MUC12: variants seen among roughly 807,000 people sequenced by gnomAD.
The protein encoded by MUC12 is mucin 12, cell surface associated.
A neutral mutation model predicts 230.8 loss-of-function variants in MUC12; 172 were observed. The observed-to-expected ratio is 0.75, with a 90% CI of 0.66 to 0.85. MUC12 has a LOEUF of 0.85. Among genes scored for constraint, MUC12 ranks in the 40% least tolerant of loss-of-function variants. The pLI is 0.00. For synonymous variants in MUC12, 1,259 were observed against 2,401.9 expected, an observed-to-expected ratio of 0.52 and a Z score of 13.91; for missense variants, 3,506 against 5,920.6, an observed-to-expected ratio of 0.59 and a Z score of 13.38.
At position 101,005,435 on chromosome 7, in the gene MUC12, A is replaced by G; in HGVS notation, c.14872A>G (p.Thr4958Ala). ...FPASSSTSGL[T>A]EESTTFHTSP... The stretch of plus-strand genomic sequence containing the variant: ...TGCGAGTTCCAGCACATCAGGCCTC[A>G]CTGAGGAATCTACCACCTTCCACAC... The change falls in exon 2 of 12, where the codon ACT (threonine) becomes GCT (alanine). Residue 4958 changes from threonine (T) to alanine (A), a missense_variant. By Grantham distance (58) the Thr-to-Ala change is moderately conservative. Coordinates refer to ENST00000536621, the MANE Select transcript of MUC12 (RefSeq NM_001164462.2). The G allele has an allele frequency of 6.5e-7, 1 of 1,537,912 alleles. No homozygotes were observed. The highest frequency in any genetic ancestry group is 8.7e-7 in the Non-Finnish European group (1 of 1,147,038).
At chr7:101,017,721 C>G (rs1256142546) in intron 11 of MUC12, 58 bp downstream of exon 11, 1 of 1,305,854 alleles carries the variant, frequency 7.7e-7, no homozygotes, top group Non-Finnish European at 1.1e-6. Flanking sequence ...CTCTGGGGTT[C>G]CCTCTTCCCC....
At chr7:100,990,526 C>A in intron 1 of MUC12, 105 bp from the exon 2 acceptor site, 1 of 1,370,936 alleles carries the variant, frequency 7.3e-7, no homozygotes, top group Non-Finnish European at 9.9e-7. Context: ...ATACCATGGG[C>A]TGACCAGGTG....
Position 100,991,734 on chromosome 7 carries a change from G to C in MUC12, c.1171G>C (p.Gly391Arg). ...TAGTGAAGAATCAGCAACTTTCCACGGCAGCACAACACACACAAAATCTTC... is the reference window on the plus strand; with the variant it reads ...TAGTGAAGAATCAGCAACTTTCCACCGCAGCACAACACACACAAAATCTTC... ...GHSEESATFH[G>R]STTHTKSSTP... Residue 391 changes from glycine (G) to arginine (R), a missense_variant, in exon 2 of 12, where the codon GGC becomes CGC. Coordinates refer to ENST00000536621, the MANE Select transcript of MUC12 (RefSeq NM_001164462.2). 1 of 1,537,730 alleles carries C rather than the reference G, an allele frequency of 6.5e-7. No homozygotes were observed. The highest frequency in any genetic ancestry group is 8.7e-7 in the Non-Finnish European group (1 of 1,147,062).
chr7:101,005,325 C>T lies in MUC12; in HGVS notation c.14762C>T (p.Pro4921Leu), dbSNP rs1793727190. 1 of 1,537,928 alleles carries T rather than the reference C, an allele frequency of 6.5e-7. No individual in the cohort carries two copies. Among genetic ancestry groups the T allele is most frequent in the Non-Finnish European group, 8.7e-7 (1 of 1,147,056 alleles). ...GACGCAACTGGAACAACACCCTTAC[C>T]TGCCCGCTCCACAGCCTCAGACCTT... is the stretch of plus-strand genomic sequence containing the variant. ...SSDATGTTPL[P>L]ARSTASDLVG... is the part of the protein sequence containing the mutation. Residue 4921 changes from proline to leucine, a missense_variant, in exon 2 of 12, where the codon CCT (proline) becomes CTT (leucine). Coordinates refer to ENST00000536621, the MANE Select transcript of MUC12 (RefSeq NM_001164462.2).
In MUC12 at chr7:100,990,955, C is replaced by T. The variant is rs549423210; in HGVS notation, c.392C>T (p.Ala131Val). 2 of 1,537,916 alleles carry T rather than the reference C, an allele frequency of 1.3e-6. No individual in the cohort carries two copies. Among genetic ancestry groups the T allele is most frequent in the South Asian group, 2.4e-5 (2 of 84,062 alleles). ...GCGTTACCTGGCAGTACCACAACAG[C>T]AGGCCTGAGTGAGAAATCTACCACC... ...TTALPGSTTT[A>V]GLSEKSTTFY... Residue 131 changes from alanine to valine, a missense_variant, in exon 2 of 12, where the codon GCA becomes GTA. Ala to Val is a moderately conservative substitution (Grantham distance 64). Coordinates refer to ENST00000536621, the MANE Select transcript of MUC12 (RefSeq NM_001164462.2).
intron 1 of MUC12, among the ~76,000 whole-genome samples, chr7:100,983,240 C>CA (rs924494086): frequency 6.6e-6 from 1 of 151,620 alleles, no homozygotes; most frequent in Non-Finnish European, 1.5e-5. Context: ...TCCAACATGG[C>CA]AAAACCACGT....
Position 101,018,932 on chromosome 7 carries a change from G to A in MUC12, c.*296G>A. 2.5e-6 allele frequency: 1 copy of A among 398,724 alleles called. No homozygotes were observed. The highest frequency in any genetic ancestry group is 4.4e-6 in the Non-Finnish European group (1 of 225,140). The allele number at this position is 398,724 out of a possible 1,614,324, so 24.7% of individuals were successfully genotyped here. On this transcript the variant is annotated 3_prime_UTR_variant, in exon 12 of 12. Coordinates refer to ENST00000536621, the MANE Select transcript of MUC12 (RefSeq NM_001164462.2). ...CCTACCAATAAAAGCAAATCTGAAA[G>A]CTCAGAATGAGAAGTGAGAGGTTTC...
At chr7:100,970,485 C>CAA (rs1157597160) in intron 1 of MUC12, among the ~76,000 whole-genome samples, 1 of 61,060 alleles carries the variant, frequency 1.6e-5, no homozygotes, top group Non-Finnish European at 3.6e-5. Flanking sequence ...AAAACACTGC[C>CAA]AAAAAAAAAA....
At position 100,995,669 on chromosome 7, in the gene MUC12, T is replaced by G. The variant is rs1237489227; in HGVS notation, c.5106T>G (p.Pro1702=). The change falls in exon 2 of 12, where the codon CCT becomes CCG. Residue 1702 remains proline, a synonymous_variant. Coordinates refer to ENST00000536621, the MANE Select transcript of MUC12 (RefSeq NM_001164462.2). ...GCTCAAAGGACACTATGCCTGCACC[T>G]CCTACTACCACATCAGCCTTTGTTG... ...WPSSKDTMPA[P]PTTTSAFVEL... The G allele has an allele frequency of 1.3e-6, 2 of 1,537,068 alleles. No individual in the cohort carries two copies. The highest frequency in any genetic ancestry group is 1.7e-6 in the Non-Finnish European group (2 of 1,147,048).
At position 100,993,794 on chromosome 7, in the gene MUC12, C is replaced by T; in HGVS notation, c.3231C>T (p.Arg1077=). The change falls in exon 2 of 12, where the codon CGC becomes CGT. Residue 1077 remains arginine (R), a synonymous_variant. Coordinates refer to ENST00000536621, the MANE Select transcript of MUC12 (RefSeq NM_001164462.2). ...GTCGTGGAGAATCTACAACCTCACG[C>T]ATCAGTCCAGGCTCAACTGAAATAA... is the stretch of plus-strand genomic sequence containing the variant. ...TSGRGESTTS[R]ISPGSTEITT... The T allele has an allele frequency of 1.4e-6, 2 of 1,444,832 alleles. No homozygotes were observed. Among genetic ancestry groups the T allele is most frequent in the Non-Finnish European group, 1.8e-6 (2 of 1,087,104 alleles). The allele number at this position is 1,444,832 out of a possible 1,614,324, so 89.5% of individuals were successfully genotyped here.
chr7:101,016,256 C>T (rs1265021937), intron 10 of MUC12, among the ~76,000 whole-genome samples: 4 of 151,562 alleles, frequency 2.6e-5, no homozygotes, highest in Admixed American at 2.0e-4. Flanking sequence ...GAGTGAGGGA[C>T]GTGAGGTTGG....
Position 101,014,015 on chromosome 7 carries a change from G to A in MUC12, c.15741G>A (p.Leu5247=). The change falls in exon 9 of 12, where the codon CTG becomes CTA. Residue 5247 remains leucine, a synonymous_variant. Transcript: ENST00000536621. ...YGIVGAVMAV[L]LLALIILIIL... is the part of the protein sequence containing the mutation. The stretch of plus-strand genomic sequence containing the variant: ...TCGTGGGGGCTGTGATGGCGGTGCT[G>A]CTGCTCGCATTGATCATCCTAATCA... The A allele has an allele frequency of 6.5e-7, 1 of 1,537,030 alleles. No homozygotes were observed. The highest frequency in any genetic ancestry group is 8.7e-7 in the Non-Finnish European group (1 of 1,146,802).
Position 101,012,866 on chromosome 7 carries a change from G to A in MUC12, c.15451G>A (p.Val5151Met). 1 of 1,537,292 alleles carries A rather than the reference G, an allele frequency of 6.5e-7. No homozygotes were observed. Among genetic ancestry groups the A allele is most frequent in the Non-Finnish European group, 8.7e-7 (1 of 1,146,916 alleles). The stretch of plus-strand genomic sequence containing the variant: ...AGAGGACACTTTCGTGGATTCATCG[G>A]TGACTCCGGGCTTTGACTTCCAGGG... The part of the protein sequence containing the change: ...SEEDTFVDSS[V>M]TPGFDFQEQC... The change falls in exon 7 of 12, where the codon GTG (valine) becomes ATG (methionine). Residue 5151 changes from valine (V) to methionine (M), a missense_variant. Val to Met is a conservative substitution (Grantham distance 21). Transcript: ENST00000536621.
chr7:101,005,520 G>A lies in MUC12; in HGVS notation c.14956+1G>A. 3.9e-6 allele frequency: 6 copies of A among 1,532,654 alleles called. No individual in the cohort carries two copies. The highest frequency in any genetic ancestry group is 2.5e-5 in the East Asian group (1 of 40,814). The allele number at this position is 1,532,654 out of a possible 1,614,324, so 94.9% of individuals were successfully genotyped here. On this transcript the variant is annotated splice_donor_variant, in intron 2 of 11. Transcript: ENST00000536621. LOFTEE classifies it high-confidence loss of function. ...GAAAGCCTGGAAACCTTAGCACCAG[G>A]TACTGCTCTTTCCATTTCATCCACG... is the stretch of plus-strand genomic sequence containing the variant.
In MUC12 at chr7:100,994,137, C is replaced by G; in HGVS notation, c.3574C>G (p.Arg1192Gly). ...HGEEPTTFHS[R>G]PASTHTTLFT... is the part of the protein sequence containing the mutation. ...TGAAGAGCCTACAACCTTCCACAGC[C>G]GGCCAGCCTCAACTCACACAACACT... The change falls in exon 2 of 12, where the codon CGG becomes GGG. Residue 1192 changes from arginine (R) to glycine (G), a missense_variant. Coordinates refer to ENST00000536621, the MANE Select transcript of MUC12 (RefSeq NM_001164462.2). The G allele has an allele frequency of 1.9e-6, 2 of 1,034,310 alleles. 1 individual carries two copies. Among genetic ancestry groups the G allele is most frequent in the Non-Finnish European group, 2.6e-6 (2 of 763,934 alleles). 64.1% of individuals were successfully genotyped at this position (1,034,310 alleles called of 1,614,324 possible).
chr7:101,004,499 A>G lies in MUC12; in HGVS notation c.13936A>G (p.Ser4646Gly), dbSNP rs1349432229. The G allele has an allele frequency of 6.5e-7, 1 of 1,532,924 alleles. No homozygotes were observed. Among genetic ancestry groups the G allele is most frequent in the Admixed American group, 2.0e-5 (1 of 50,312 alleles). The allele number at this position is 1,532,924 out of a possible 1,614,324, so 95.0% of individuals were successfully genotyped here. Residue 4646 changes from serine to glycine, a missense_variant, in exon 2 of 12, where the codon AGC becomes GGC. By Grantham distance (56) the Ser-to-Gly change is moderately conservative. Transcript: ENST00000536621. The part of the protein sequence containing the change: ...STTHTISSPP[S>G]TTSALVEEPT... ...AACACACACAATATCTTCACCTCCTAGCACCACATCTGCCCTTGTTGAAGA... is the reference window on the plus strand; with the variant it reads ...AACACACACAATATCTTCACCTCCTGGCACCACATCTGCCCTTGTTGAAGA...
At chr7:101,014,407 T>C (rs1793885063) in intron 9 of MUC12, 1 of 210,602 alleles carries the variant, frequency 4.7e-6, no homozygotes, top group South Asian at 1.0e-4. Context: ...GTGAGGACTT[T>C]CTTGCTGCAT....
chr7:100,986,286 G>A (rs1793188423), intron 1 of MUC12, among the ~76,000 whole-genome samples: 1 of 152,044 alleles, frequency 6.6e-6, no homozygotes, highest in Non-Finnish European at 1.5e-5. Context: ...GATCGCTCCA[G>A]CCTAGAAGTT....
At position 101,003,257 on chromosome 7, in the gene MUC12, C is replaced by T. The variant is rs778933247; in HGVS notation, c.12694C>T (p.Pro4232Ser). Reference protein sequence around the residue: ...RPGSMHTTAFPSSTTMPGVSQ... With the variant: ...RPGSMHTTAFSSSTTMPGVSQ... ...AGGCTCAATGCACACAACAGCATTC[C>T]CTAGCAGTACCACCATGCCAGGCGT... The change falls in exon 2 of 12, where the codon CCT becomes TCT. Residue 4232 changes from proline (P) to serine (S), a missense_variant. By Grantham distance (74) the Pro-to-Ser change is moderately conservative. Coordinates refer to ENST00000536621, the MANE Select transcript of MUC12 (RefSeq NM_001164462.2). 1 of 1,508,664 alleles carries T rather than the reference C, an allele frequency of 6.6e-7. No homozygotes were observed. The highest frequency in any genetic ancestry group is 1.2e-5 in the South Asian group (1 of 83,298). 93.5% of individuals were successfully genotyped at this position (1,508,664 alleles called of 1,614,324 possible). A position where few individuals can be genotyped will look rare whatever the true frequency, so the allele number is the denominator to read the frequency against.
Sources: gnomAD v4.1 joint callset for allele counts (sites outside exome capture counted in the v4.1 genomes callset) on GRCh38, gnomAD v4.1.1 for gene constraint, MANE v1.5 for transcripts, NCBI Gene and HGNC (gene_info 2026-07-23, HGNC 2026-07-21) for gene names.